The following FER1L6 variants were observed in gnomAD, a reference collection of about 807,000 sequenced individuals.
FER1L6 encodes fer-1 like family member 6.
FER1L6 carries 177 observed loss-of-function variants against 219.2 expected under a neutral mutation model. That is an observed-to-expected ratio of 0.81 (90% CI 0.71 to 0.91). FER1L6 has a LOEUF of 0.91. Ranked by LOEUF, FER1L6 falls within the 40% of genes least tolerant of loss-of-function variation. FER1L6 has a pLI of 0.00. For missense variants in FER1L6, 2,153 were observed against 2,259.9 expected (o/e 0.95, Z 0.96); for synonymous variants, 768 against 824.3 (o/e 0.93, Z 1.17).
intron 1 of FER1L6, among the ~76,000 whole-genome samples, chr8:123,928,726 A>G (rs1813657428): frequency 6.6e-6 from 1 of 152,238 alleles, no homozygotes; most frequent in Non-Finnish European, 1.5e-5. Context: ...TTTGCAATTA[A>G]GAAATCCAAT....
At chr8:123,918,752 G>A (rs573385517) in intron 1 of FER1L6, among the ~76,000 whole-genome samples, 17 of 152,284 alleles carry the variant, frequency 1.1e-4, no homozygotes, top group African/African-American at 4.1e-4. Flanking sequence ...AGCAGTGATT[G>A]AACTGACCTT....
chr8:123,866,346 A>T (rs1279993675), intron 1 of FER1L6, among the ~76,000 whole-genome samples: 3 of 151,724 alleles, frequency 2.0e-5, no homozygotes, highest in African/African-American at 4.8e-5. Context: ...GTATATAAAA[A>T]TATGTATATA....
At chr8:123,919,830 G>T (rs929583547) in intron 1 of FER1L6, among the ~76,000 whole-genome samples, 8 of 152,074 alleles carry the variant, frequency 5.3e-5, no homozygotes, top group African/African-American at 9.7e-5. Context: ...ATCACCTAAG[G>T]TCCCTGCACC....
chr8:123,975,022 CTG>C (rs1198822337), intron 7 of FER1L6, 126 bp from the exon 8 acceptor site: 4 of 784,644 alleles, frequency 5.1e-6, no homozygotes, highest in Non-Finnish European at 7.6e-6. Context: ...TTGGAAAAAA[CTG>C]AGATGATTTA....
At chr8:124,063,084 C>T (rs1481523636) in intron 25 of FER1L6, among the ~76,000 whole-genome samples, 4 of 152,088 alleles carry the variant, frequency 2.6e-5, no homozygotes, top group African/African-American at 9.7e-5. Flanking sequence ...CCCTTCATAC[C>T]CTTGCTGCCA....
intron 31 of FER1L6, among the ~76,000 whole-genome samples, chr8:124,075,108 A>G (rs1304499210): frequency 6.6e-6 from 1 of 152,200 alleles, no homozygotes; most frequent in African/African-American, 2.4e-5. Flanking sequence ...CACTAAATTT[A>G]TAACACACAT....
Position 123,980,313 on chromosome 8 carries a change from T to G in FER1L6, c.1064-152T>G, listed in dbSNP as rs943316496. The G allele has an allele frequency of 1.2e-5, 8 of 661,454 alleles. No individual in the cohort carries two copies. In the African/African-American group the frequency reaches 1.3e-4, roughly 11 times the overall value. 41.0% of individuals were successfully genotyped at this position (661,454 alleles called of 1,614,324 possible). A position where few individuals can be genotyped will look rare whatever the true frequency, so the allele number is the denominator to read the frequency against. On this transcript the variant is annotated intron_variant, in intron 10 of 40. Transcript: ENST00000522917. ...ATGCAAAAAAGACTAGAAGGAAATATGGCAAGATGGCAATCGTTGTCTTTT... is the reference window on the plus strand; with the variant it reads ...ATGCAAAAAAGACTAGAAGGAAATAGGGCAAGATGGCAATCGTTGTCTTTT...
chr8:123,925,145 A>G (rs79697090), intron 1 of FER1L6, among the ~76,000 whole-genome samples: 1,823 of 152,340 alleles, frequency 0.012, 39 homozygotes, highest in African/African-American at 0.041. Context: ...GACACTGAAA[A>G]CAGTGGCTTC....
intron 1 of FER1L6, among the ~76,000 whole-genome samples, chr8:123,875,305 C>T (rs962450500): frequency 6.6e-6 from 1 of 152,182 alleles, no homozygotes; most frequent in Non-Finnish European, 1.5e-5. Context: ...AAGAGGTCAC[C>T]AGTGACTTCC....
At chr8:123,906,666 G>C (rs1812958502) in intron 1 of FER1L6, among the ~76,000 whole-genome samples, 1 of 151,876 alleles carries the variant, frequency 6.6e-6, no homozygotes, top group Non-Finnish European at 1.5e-5. Context: ...TTGGCGTGGT[G>C]GTGTGTGCCT....
intron 1 of FER1L6, among the ~76,000 whole-genome samples, chr8:123,947,260 A>G (rs959212211): frequency 2.0e-5 from 3 of 151,842 alleles, no homozygotes. Flanking sequence ...AAAAAAAGGT[A>G]TGATGATGAA....
chr8:124,097,400 G>A (rs1430694596), intron 36 of FER1L6, 41 bp downstream of exon 36: 5 of 1,355,900 alleles, frequency 3.7e-6, no homozygotes, highest in Non-Finnish European at 5.2e-6. Context: ...AAGAGACCAG[G>A]GTAGCAGATG....
At position 123,910,205 on chromosome 8, in the gene FER1L6, T is replaced by G. The variant is rs544046065; in HGVS notation, c.-7-45787T>G. Among the ~76,000 whole-genome samples the G allele has an allele frequency of 2.4e-4, 36 of 152,302 alleles. 1 individual carries two copies. In the South Asian group the frequency reaches 7.2e-3, roughly 31 times the overall value. On this transcript the variant is annotated intron_variant, in intron 1 of 40. Transcript: ENST00000522917. ...ATCTGCTGATCAGTGGTCTAGGGTA[T>G]GCCGTCATGTGAAAAGACTATTCAA...
chr8:123,994,048 T>C (rs754170384), intron 12 of FER1L6, among the ~76,000 whole-genome samples: 84 of 152,330 alleles, frequency 5.5e-4, no homozygotes, highest in Admixed American at 1.2e-3. Context: ...TTCTCCTTCC[T>C]GGATGCTGTT....
intron 12 of FER1L6, among the ~76,000 whole-genome samples, chr8:123,993,650 G>A (rs1014287601): frequency 5.3e-5 from 8 of 152,050 alleles, no homozygotes; most frequent in Non-Finnish European, 1.2e-4. Flanking sequence ...GTCCCACAGG[G>A]TGCTCCCTTA....
rs1181071191 is a variant in FER1L6, at chr8:123,899,122, G to A, written c.-8+46937G>A. Reference sequence around the variant, plus strand: ...GCTGTACTAGTTTACATTCCCACCAGAAGTGTGGAAGTGTTCCCTGATTAC... The same window carrying A: ...GCTGTACTAGTTTACATTCCCACCAAAAGTGTGGAAGTGTTCCCTGATTAC... On this transcript the variant is annotated intron_variant, in intron 1 of 40. Coordinates refer to ENST00000522917, the MANE Select transcript of FER1L6 (RefSeq NM_001039112.2). Among the ~76,000 whole-genome samples the A allele has an allele frequency of 2.6e-5, 4 of 151,950 alleles. No individual in the cohort carries two copies. The East Asian group carries it at 7.7e-4, about 29-fold the overall frequency.
rs1157682949 is a variant in FER1L6 at position 123,852,858 on chromosome 8, G to A, written c.-8+673G>A. Among the ~76,000 whole-genome samples the A allele has an allele frequency of 1.3e-5, 2 of 152,042 alleles. No individual in the cohort carries two copies. The highest frequency in any genetic ancestry group is 2.9e-5 in the Non-Finnish European group (2 of 68,018). On this transcript the variant is annotated intron_variant, in intron 1 of 40. Coordinates refer to ENST00000522917, the MANE Select transcript of FER1L6 (RefSeq NM_001039112.2). This position sits in a 1 kb window ranked among gnomAD's most constrained non-coding sequence, Gnocchi z 4.9. ...CCACGAATGTCTTTTTCTGTTCTAG[G>A]AGCCAGTCCAGAATCCCACATTGTA...
chr8:124,076,245 C>G lies in FER1L6; in HGVS notation c.4140C>G (p.Tyr1380Ter). ...ATCCAGATGGCAAATCAGATCCCTA[C>G]ATTGTGATCAAGCTTGGCAAGACAG... ...PADPDGKSDP[Y>*]IVIKLGKTEI... The change falls in exon 32 of 41, where the codon TAC (tyrosine) becomes TAG (stop). Residue 1380 changes from tyrosine (Y) to a stop codon, truncating the protein, a stop_gained. Transcript: ENST00000522917. LOFTEE classifies it high-confidence loss of function. 6.2e-7 allele frequency: 1 copy of G among 1,614,078 alleles called. No homozygotes were observed.
At chr8:123,887,573 T>G (rs1461790608) in intron 1 of FER1L6, among the ~76,000 whole-genome samples, 1 of 152,234 alleles carries the variant, frequency 6.6e-6, no homozygotes, top group Non-Finnish European at 1.5e-5. Context: ...CAGTGGGGTC[T>G]GCTCCTCTCA....
Sources: gnomAD v4.1 joint callset for allele counts (sites outside exome capture counted in the v4.1 genomes callset) on GRCh38, gnomAD v4.1.1 for gene constraint, Gnocchi (gnomAD v3.1) non-coding constraint, MANE v1.5 for transcripts, NCBI Gene and HGNC (gene_info 2026-07-23, HGNC 2026-07-21) for gene names.